TBCK: variants seen among roughly 807,000 people sequenced by gnomAD.
TBCK encodes TBC1 domain containing kinase, also known as TBC domain-containing protein kinase-like protein.
TBCK carries 99 observed loss-of-function variants against 113.4 expected under a neutral mutation model. The observed-to-expected ratio is 0.87, with a 90% CI of 0.74 to 1.03. The LOEUF is 1.03. TBCK is among the 50% of genes least tolerant of loss of function. The pLI is 0.00. For synonymous variants in TBCK, 369 were observed against 370.8 expected, an observed-to-expected ratio of 1.00 and a Z score of 0.05; for missense variants, 1,045 against 1,061.3, an observed-to-expected ratio of 0.98 and a Z score of 0.21.
intron 3 of TBCK, among the ~76,000 whole-genome samples, chr4:106,284,216 A>G (rs1292359574): frequency 6.6e-6 from 1 of 152,134 alleles, no homozygotes; most frequent in African/African-American, 2.4e-5. Context: ...AAAAGTAAAA[A>G]AGATATGAAA....
At chr4:106,161,831 C>A (rs924697780) in intron 23 of TBCK, among the ~76,000 whole-genome samples, 1 of 151,902 alleles carries the variant, frequency 6.6e-6, no homozygotes, top group Non-Finnish European at 1.5e-5. Context: ...CTGTAGGATG[C>A]AAGTATGAAA....
At chr4:106,135,232 A>T (rs1746418276) in intron 23 of TBCK, among the ~76,000 whole-genome samples, 1 of 151,346 alleles carries the variant, frequency 6.6e-6, no homozygotes, top group African/African-American at 2.4e-5. Context: ...AAATATATAG[A>T]TATTTTATAT....
chr4:106,057,335 G>A (rs896495647), intron 25 of TBCK, among the ~76,000 whole-genome samples: 1 of 151,664 alleles, frequency 6.6e-6, no homozygotes, highest in Non-Finnish European at 1.5e-5. Context: ...GGGATCAAGG[G>A]CAAAAGAAAG....
chr4:106,062,948 C>T (rs1343319111), intron 25 of TBCK, among the ~76,000 whole-genome samples: 1 of 151,888 alleles, frequency 6.6e-6, no homozygotes, highest in Non-Finnish European at 1.5e-5. Flanking sequence ...CTCTTCACTA[C>T]TACTTTGCTT....
At chr4:106,062,967 A>C (rs1736214103) in intron 25 of TBCK, among the ~76,000 whole-genome samples, 1 of 151,934 alleles carries the variant, frequency 6.6e-6, no homozygotes, top group Admixed American at 6.6e-5. Flanking sequence ...TTTTTACTAC[A>C]CAAAACTTAT....
chr4:106,211,940 T>G (rs1756186078), intron 20 of TBCK, among the ~76,000 whole-genome samples: 1 of 152,120 alleles, frequency 6.6e-6, no homozygotes. Context: ...ATCAATAATT[T>G]TTAATAAAGT....
At chr4:106,088,594 T>C (rs1006593669) in intron 25 of TBCK, among the ~76,000 whole-genome samples, 4 of 152,192 alleles carry the variant, frequency 2.6e-5, no homozygotes, top group African/African-American at 9.7e-5. Flanking sequence ...ATCCCACTAC[T>C]GGGTATATAC....
At chr4:106,142,406 C>T (rs531993288) in intron 23 of TBCK, among the ~76,000 whole-genome samples, 32 of 152,252 alleles carry the variant, frequency 2.1e-4, no homozygotes, top group African/African-American at 7.2e-4. Flanking sequence ...TGTGTTAGCA[C>T]CTGTACAAAG....
At chr4:106,229,306 C>T (rs1001896446) in intron 19 of TBCK, among the ~76,000 whole-genome samples, 1 of 151,836 alleles carries the variant, frequency 6.6e-6, no homozygotes, top group African/African-American at 2.4e-5. Flanking sequence ...GGGTATTACT[C>T]GACATCTTTG....
At chr4:106,172,331 T>C (rs1459236672) in intron 22 of TBCK, among the ~76,000 whole-genome samples, 1 of 152,110 alleles carries the variant, frequency 6.6e-6, no homozygotes, top group Middle Eastern at 3.2e-3. Flanking sequence ...TACAACTCTA[T>C]ATTGTTTGTG....
chr4:106,225,306 A>G (rs1758116706), intron 19 of TBCK, among the ~76,000 whole-genome samples: 1 of 152,214 alleles, frequency 6.6e-6, no homozygotes, highest in African/African-American at 2.4e-5. Flanking sequence ...TCAAGATTTC[A>G]AATGCAATTT....
chr4:106,281,977 T>C (rs1243654037), intron 3 of TBCK, among the ~76,000 whole-genome samples: 3 of 152,124 alleles, frequency 2.0e-5, no homozygotes, highest in African/African-American at 7.2e-5. Context: ...TGAGTACAAT[T>C]GGCACTAACT....
chr4:106,231,945 A>G (rs1758900886), intron 17 of TBCK, among the ~76,000 whole-genome samples, 166 bp from the exon 18 acceptor site: 1 of 151,844 alleles, frequency 6.6e-6, no homozygotes, highest in Non-Finnish European at 1.5e-5. Context: ...GGAGTGAGTG[A>G]TAGTGTAGCA....
rs190364714 is a variant in TBCK, at chr4:106,222,317, A to G, written c.1774+8046T>C. ...TTTCTCTCCTTTAAAATGGCTTGTT[A>G]TATATATTAACATGACAATCCCCAA... On this transcript the variant is annotated intron_variant, in intron 19 of 25. Coordinates refer to ENST00000394708, the MANE Select transcript of TBCK (RefSeq NM_001163435.3). Among the ~76,000 whole-genome samples the G allele has an allele frequency of 6.2e-3, 943 of 152,176 alleles. 7 individuals are homozygous for G. The highest frequency in any genetic ancestry group is 0.022 in the African/African-American group (896 of 41,538).
chr4:106,048,147 T>C (rs1242678295), intron 25 of TBCK, among the ~76,000 whole-genome samples: 1 of 152,132 alleles, frequency 6.6e-6, no homozygotes, highest in African/African-American at 2.4e-5. Context: ...CACCTGTAGA[T>C]GATTCTAAAG....
At chr4:106,122,194 T>C (rs1744490665) in intron 23 of TBCK, among the ~76,000 whole-genome samples, 1 of 151,340 alleles carries the variant, frequency 6.6e-6, no homozygotes, top group Non-Finnish European at 1.5e-5. Flanking sequence ...AAAGGGGATA[T>C]CACCACCGAT....
In TBCK at chr4:106,194,172, T is replaced by C. The variant is rs544174490; in HGVS notation, c.1898-402A>G. Among the ~76,000 whole-genome samples the C allele has an allele frequency of 2.0e-5, 3 of 152,164 alleles. No individual in the cohort carries two copies. In the South Asian group the frequency reaches 6.2e-4, roughly 32 times the overall value. ...AATCCTATGAGCAACTTCCTATTTT[T>C]TGTAACTTCCTTTTTCTTATTAACA... On this transcript the variant is annotated intron_variant, in intron 21 of 25. Transcript: ENST00000394708.
chr4:106,295,480 G>C (rs573145359), intron 2 of TBCK, among the ~76,000 whole-genome samples: 14 of 152,084 alleles, frequency 9.2e-5, no homozygotes, highest in Non-Finnish European at 1.9e-4. Context: ...TTGAAAGAAA[G>C]AAGTAAAAGA....
intron 24 of TBCK, among the ~76,000 whole-genome samples, chr4:106,098,803 G>C (rs983263926): frequency 1.3e-5 from 2 of 151,960 alleles, no homozygotes; most frequent in Non-Finnish European, 2.9e-5. Context: ...CCCTGTCTTG[G>C]AGTAAGTTGT....
Sources: gnomAD v4.1 joint callset for allele counts (sites outside exome capture counted in the v4.1 genomes callset) on GRCh38, gnomAD v4.1.1 for gene constraint, MANE v1.5 for transcripts, NCBI Gene and HGNC (gene_info 2026-07-23, HGNC 2026-07-21) for gene names.